The following HMGXB3 variants were observed in gnomAD, a reference collection of about 807,000 sequenced individuals.
HMGXB3 encodes the protein HMG-box containing 3.
A neutral mutation model predicts 121.5 loss-of-function variants in HMGXB3; 45 were observed. The observed-to-expected ratio is 0.37, with a 90% CI of 0.29 to 0.47. The LOEUF (loss-of-function observed/expected upper bound fraction) is 0.47. HMGXB3 is among the 20% of genes least tolerant of loss of function. The pLI, the probability that HMGXB3 is intolerant of heterozygous loss-of-function variation, is 0.99. For missense variants in HMGXB3, 1,376 were observed against 1,602.2 expected, an observed-to-expected ratio of 0.86 and a Z score of 2.41; for synonymous variants, 590 against 624.1, an observed-to-expected ratio of 0.95 and a Z score of 0.81.
At chr5:150,030,607 A>C in intron 9 of HMGXB3, 134 bp from the exon 10 acceptor site, 2 of 652,850 alleles carry the variant, frequency 3.1e-6, no homozygotes, top group South Asian at 1.9e-5. Flanking sequence ...GCCAACTGGC[A>C]GTCCAGAGGG....
In HMGXB3 at chr5:150,050,324, C is replaced by T. The variant is rs1408186165; in HGVS notation, c.3274C>T (p.Arg1092Cys). ...CCATGTGGACCTGCTTGCCTCTTCC[C>T]GCCACTGGCCGCCTGTCTATGTGGT... Reference protein sequence around the residue: ...RDHVDLLASSRHWPPVYVVDM... With the variant: ...RDHVDLLASSCHWPPVYVVDM... Residue 1092 changes from arginine to cysteine, a missense_variant, in exon 19 of 20, where the codon CGC becomes TGC. Around this residue, in one of 2 missense-constraint regions of HMGXB3, gnomAD observed 1,116 missense variants for 1,369.0 expected, o/e 0.82. Coordinates refer to ENST00000502717, the MANE Select transcript of HMGXB3 (RefSeq NM_014983.3). The T allele has an allele frequency of 5.3e-5, 82 of 1,551,710 alleles. No homozygotes were observed. Among genetic ancestry groups the T allele is most frequent in the Non-Finnish European group, 6.7e-5 (77 of 1,147,024 alleles).
At chr5:150,016,015 C>G (rs1755951431) in intron 5 of HMGXB3, among the ~76,000 whole-genome samples, 1 of 152,100 alleles carries the variant, frequency 6.6e-6, no homozygotes, top group South Asian at 2.1e-4. Flanking sequence ...CTTTTATATC[C>G]TTACTGATTT....
chr5:150,051,625 A>G, intron 19 of HMGXB3, 100 bp from the exon 20 acceptor site: 1 of 952,340 alleles, frequency 1.1e-6, no homozygotes, highest in Non-Finnish European at 1.5e-6. Context: ...TGATGTTAGG[A>G]TTCAAAGAGG....
intron 15 of HMGXB3, among the ~76,000 whole-genome samples, chr5:150,045,075 T>G (rs541188327): frequency 6.6e-6 from 1 of 152,314 alleles, no homozygotes; most frequent in East Asian, 1.9e-4. Context: ...GATTGTTCTG[T>G]CTCTTCGAGT....
intron 13 of HMGXB3, among the ~76,000 whole-genome samples, chr5:150,039,144 C>T (rs115068068): frequency 8.1e-4 from 124 of 152,282 alleles, no homozygotes; most frequent in African/African-American, 2.8e-3. Context: ...GGTGTGTCTC[C>T]GTATAAACTG....
chr5:150,022,935 C>T (rs1028104785), intron 6 of HMGXB3, among the ~76,000 whole-genome samples: 4 of 150,310 alleles, frequency 2.7e-5, no homozygotes, highest in Non-Finnish European at 5.9e-5. Context: ...CTCAGCCTCT[C>T]GAGTAGCTGG....
At chr5:150,050,524 C>T in intron 19 of HMGXB3, 63 bp downstream of exon 19, 1 of 1,306,282 alleles carries the variant, frequency 7.7e-7, no homozygotes, top group Admixed American at 2.0e-5. Flanking sequence ...CTCTGTCACC[C>T]AGGCTGGAGT....
Position 150,023,831 on chromosome 5 carries a change from T to C in HMGXB3, c.1042-431T>C, listed in dbSNP as rs757306141. On this transcript the variant is annotated intron_variant, in intron 6 of 19. Transcript: ENST00000502717. ...CTGTCCACATGAGGTTGCGGCCACA[T>C]TGGGATTAACTGAATCTCATAAAAG... Among the ~76,000 whole-genome samples, 4 of 152,354 alleles carry C rather than the reference T, an allele frequency of 2.6e-5. No individual in the cohort carries two copies. In the Middle Eastern group the frequency reaches 0.014, roughly 518 times the overall value.
At chr5:150,037,045 C>A in intron 12 of HMGXB3, 108 bp downstream of exon 12, 2 of 998,746 alleles carry the variant, frequency 2.0e-6, no homozygotes, top group Non-Finnish European at 2.9e-6. Context: ...TATTCTCTGC[C>A]GTTTTTAGGC....
chr5:150,014,453 A>C (rs1462641260), intron 5 of HMGXB3, among the ~76,000 whole-genome samples: 2 of 152,266 alleles, frequency 1.3e-5, no homozygotes, highest in Non-Finnish European at 2.9e-5. Context: ...AAATACTTTT[A>C]AACGATACTT....
At position 150,051,973 on chromosome 5, in the gene HMGXB3, T is replaced by G; in HGVS notation, c.3660T>G (p.Ile1220Met). ...SKPNGVRQRP[I>M]AFDNATHYYL... The stretch of plus-strand genomic sequence containing the variant: ...CAAACGGTGTCCGCCAGCGGCCCAT[T>G]GCCTTCGACAATGCCACTCACTATT... The change falls in exon 20 of 20, where the codon ATT becomes ATG. Residue 1220 changes from isoleucine (I) to methionine (M), a missense_variant. By Grantham distance (10) the Ile-to-Met change is conservative (BLOSUM62 1). Coordinates refer to ENST00000502717, the MANE Select transcript of HMGXB3 (RefSeq NM_014983.3). 1 of 1,552,308 alleles carries G rather than the reference T, an allele frequency of 6.4e-7. No individual in the cohort carries two copies. Among genetic ancestry groups the G allele is most frequent in the Non-Finnish European group, 8.7e-7 (1 of 1,147,128 alleles).
intron 12 of HMGXB3, 44 bp from the exon 13 acceptor site, chr5:150,037,356 C>T: frequency 6.7e-7 from 1 of 1,487,748 alleles, no homozygotes; most frequent in African/African-American, 1.4e-5. Flanking sequence ...ATAAAGAAGT[C>T]TCTTTCCCTT....
intron 10 of HMGXB3, among the ~76,000 whole-genome samples, chr5:150,031,854 A>G (rs1463607922): frequency 6.6e-6 from 1 of 152,070 alleles, no homozygotes; most frequent in Non-Finnish European, 1.5e-5. Flanking sequence ...CCATAAGGAG[A>G]ATGTGTCTCT....
At chr5:150,020,467 A>C (rs1401421469) in intron 6 of HMGXB3, among the ~76,000 whole-genome samples, 1 of 152,230 alleles carries the variant, frequency 6.6e-6, no homozygotes, top group Admixed American at 6.5e-5. Flanking sequence ...TATACATGAA[A>C]GACTGTCAGT....
chr5:150,037,639 T>C, intron 13 of HMGXB3, 112 bp downstream of exon 13: 1 of 923,244 alleles, frequency 1.1e-6, no homozygotes, highest in Non-Finnish European at 1.4e-6. Context: ...ATGGGGCTTC[T>C]GAGGAAGGGG....
chr5:150,001,770 T>A (rs1417144664), intron 1 of HMGXB3, among the ~76,000 whole-genome samples: 1 of 152,120 alleles, frequency 6.6e-6, no homozygotes, highest in East Asian at 1.9e-4. Context: ...AACCGTAGGG[T>A]GTTGTCTTCC....
At chr5:150,024,127 T>C in intron 6 of HMGXB3, 135 bp from the exon 7 acceptor site, 4 of 754,864 alleles carry the variant, frequency 5.3e-6, no homozygotes, top group Non-Finnish European at 8.1e-6. Context: ...ACTTGAGATC[T>C]TAAGTTAACT....
At chr5:150,051,196 C>T (rs571464987) in intron 19 of HMGXB3, among the ~76,000 whole-genome samples, 29 of 152,326 alleles carry the variant, frequency 1.9e-4, no homozygotes, top group Non-Finnish European at 2.1e-4. Flanking sequence ...GACAGTATTT[C>T]TCACCAGTCA....
In HMGXB3 at chr5:150,010,428, C is replaced by T. The variant is rs1192135327; in HGVS notation, c.630C>T (p.Leu210=). ...AVQEIATSEI[L]SQDVLLEDAS... Reference sequence around the variant, plus strand: ...AGGAGATTGCCACCTCAGAGATCCTCAGCCAGGATGTGCTCCTAGAGGACG... The same window carrying T: ...AGGAGATTGCCACCTCAGAGATCCTTAGCCAGGATGTGCTCCTAGAGGACG... Residue 210 remains leucine (L), a synonymous_variant, in exon 4 of 20, where the codon CTC becomes CTT. Coordinates refer to ENST00000502717, the MANE Select transcript of HMGXB3 (RefSeq NM_014983.3). 1 of 1,551,656 alleles carries T rather than the reference C, an allele frequency of 6.4e-7. No homozygotes were observed. Among genetic ancestry groups the T allele is most frequent in the Non-Finnish European group, 8.7e-7 (1 of 1,146,994 alleles).
Sources: allele counts gnomAD v4.1 joint callset (sites outside exome capture counted in the v4.1 genomes callset), GRCh38; gene constraint gnomAD v4.1.1; regional missense constraint gnomAD v4.1.1; transcripts MANE v1.5; gene names NCBI Gene and HGNC (gene_info 2026-07-23, HGNC 2026-07-21).